The following USP25 variants were observed in gnomAD, a reference collection of about 807,000 sequenced individuals.
The protein encoded by USP25 is ubiquitin carboxyl-terminal hydrolase 25.
USP25 carries 85 observed loss-of-function variants against 158.5 expected under a neutral mutation model. That is an observed-to-expected ratio of 0.54 (90% CI 0.45 to 0.64). The LOEUF (loss-of-function observed/expected upper bound fraction) is 0.64, where lower values mean the gene tolerates loss of function less well. USP25 is among the 30% of genes least tolerant of loss of function. The probability of loss-of-function intolerance (pLI) is 0.00; values close to 1 mark genes in which losing one functional copy is unlikely to be tolerated. For synonymous variants in USP25, 464 were observed against 460.4 expected (o/e 1.01, Z -0.10); for missense variants, 1,242 against 1,327.3 (o/e 0.94, Z 1.00).
At chr21:15,792,469 A>G (rs1273298499) in intron 5 of USP25, among the ~76,000 whole-genome samples, 2 of 151,664 alleles carry the variant, frequency 1.3e-5, no homozygotes, top group African/African-American at 4.8e-5. Flanking sequence ...TTTGTGTGAC[A>G]GTTGAATTAT....
At chr21:15,780,011 T>A (rs73892533) in intron 4 of USP25, among the ~76,000 whole-genome samples, 2,299 of 152,242 alleles carry the variant, frequency 0.015, 46 homozygotes, top group African/African-American at 0.052. Flanking sequence ...GAGATATATT[T>A]GCTCATATGG....
At chr21:15,739,298 T>G (rs2031819830) in intron 1 of USP25, among the ~76,000 whole-genome samples, 1 of 152,228 alleles carries the variant, frequency 6.6e-6, no homozygotes, top group Non-Finnish European at 1.5e-5. Context: ...TTGTACCTCA[T>G]GCATTTCTGA....
intron 3 of USP25, among the ~76,000 whole-genome samples, chr21:15,768,535 G>A (rs929558039): frequency 1.3e-5 from 2 of 151,936 alleles, no homozygotes; most frequent in African/African-American, 2.4e-5. Flanking sequence ...AAATGAAGTC[G>A]TGTATTTTTA....
At chr21:15,865,684 C>T (rs888782991) in intron 21 of USP25, among the ~76,000 whole-genome samples, 2 of 152,136 alleles carry the variant, frequency 1.3e-5, no homozygotes, top group Non-Finnish European at 2.9e-5. Context: ...GGAGTAATCA[C>T]ATTGACTTTT....
chr21:15,763,913 CAG>C (rs1318374177), intron 2 of USP25, among the ~76,000 whole-genome samples: 2 of 152,044 alleles, frequency 1.3e-5, no homozygotes, highest in Admixed American at 1.3e-4. Flanking sequence ...AGATGAGCAA[CAG>C]AGAGGTTAAA....
chr21:15,732,388 AATATTTATATGG>A (rs2123134143), intron 1 of USP25, among the ~76,000 whole-genome samples: 1 of 152,348 alleles, frequency 6.6e-6, no homozygotes, highest in East Asian at 1.9e-4. Context: ...ACTATTTAAA[AATATTTATATGG>A]ATACAAGTAA....
At chr21:15,787,405 CAT>C (rs2123579083) in intron 4 of USP25, among the ~76,000 whole-genome samples, 1 of 152,104 alleles carries the variant, frequency 6.6e-6, no homozygotes, top group Admixed American at 6.6e-5. Context: ...AAAACAGACA[CAT>C]AGACCAGTGG....
chr21:15,819,146 C>T (rs867630795), intron 10 of USP25, among the ~76,000 whole-genome samples: 2 of 152,036 alleles, frequency 1.3e-5, no homozygotes, highest in African/African-American at 4.8e-5. Context: ...GCTAGTTCCT[C>T]GATATAAAGA....
chr21:15,806,039 T>G (rs897027405), intron 7 of USP25, among the ~76,000 whole-genome samples: 1 of 152,148 alleles, frequency 6.6e-6, no homozygotes, highest in African/African-American at 2.4e-5. Context: ...ACATTTACCT[T>G]GTATGGCAAA....
chr21:15,829,782 T>A (rs1226191887), intron 14 of USP25, among the ~76,000 whole-genome samples: 1 of 152,150 alleles, frequency 6.6e-6, no homozygotes, highest in Non-Finnish European at 1.5e-5. Context: ...TTTTATAATG[T>A]AGATTTTTTA....
intron 16 of USP25, among the ~76,000 whole-genome samples, chr21:15,832,021 G>A (rs955573184): frequency 6.6e-6 from 1 of 152,150 alleles, no homozygotes; most frequent in Non-Finnish European, 1.5e-5. Context: ...ACTTCTTGCT[G>A]TATCTGCTCA....
chr21:15,824,596 TTTCTGTCTATCTTTCTGTCTTTCC>T (rs1490694061), intron 11 of USP25, among the ~76,000 whole-genome samples: 1 of 152,146 alleles, frequency 6.6e-6, no homozygotes, highest in East Asian at 1.9e-4. Flanking sequence ...TCTGTCTGTC[TTTCTGTCTATCTTTCTGTCTTTCC>T]TTCTTTTTTG....
intron 1 of USP25, among the ~76,000 whole-genome samples, chr21:15,746,744 G>A (rs1440119747): frequency 6.6e-6 from 1 of 152,182 alleles, no homozygotes; most frequent in African/African-American, 2.4e-5. Context: ...TATATAGAAT[G>A]TGGTTGATTT....
chr21:15,849,590 G>A lies in USP25; in HGVS notation c.2452-187G>A, dbSNP rs149179128. On this transcript the variant is annotated intron_variant, in intron 19 of 25. Transcript: ENST00000400183. ...TTTTTGCAGTTTGCACAAAGGCTCC[G>A]TATGAGCCAGCTGTGCCCTGTATGG... is the stretch of plus-strand genomic sequence containing the variant. Among the ~76,000 whole-genome samples, 17 of 152,272 alleles carry A rather than the reference G, an allele frequency of 1.1e-4. No homozygotes were observed. In the South Asian group the frequency reaches 1.7e-3, roughly 15 times the overall value.
At chr21:15,730,505 G>A in intron 1 of USP25, 67 bp downstream of exon 1, 1 of 1,291,568 alleles carries the variant, frequency 7.7e-7, no homozygotes. Context: ...TCCCGCTGCG[G>A]CCGGGCGCCC....
At chr21:15,836,419 A>G (rs369536081) in intron 17 of USP25, among the ~76,000 whole-genome samples, 3 of 152,250 alleles carry the variant, frequency 2.0e-5, no homozygotes, top group East Asian at 1.9e-4. Context: ...GGTTCATTTC[A>G]TGCTGCTTCC....
At chr21:15,874,296 A>G in intron 23 of USP25, 107 bp from the exon 24 acceptor site, 1 of 1,025,180 alleles carries the variant, frequency 9.8e-7, no homozygotes, top group Non-Finnish European at 1.4e-6. Flanking sequence ...ATTATAATGT[A>G]GATTATCAAA....
chr21:15,838,679 G>T (rs568057550), intron 17 of USP25, among the ~76,000 whole-genome samples: 1 of 152,068 alleles, frequency 6.6e-6, no homozygotes, highest in Non-Finnish European at 1.5e-5. Context: ...CAAGCAGTCC[G>T]CTTTAAATCT....
intron 23 of USP25, 82 bp downstream of exon 23, chr21:15,870,229 A>G: frequency 1.2e-6 from 1 of 860,880 alleles, no homozygotes; most frequent in Non-Finnish European, 1.8e-6. Flanking sequence ...CATGGAAAAG[A>G]TTTTATTCAT....
Sources: allele counts gnomAD v4.1 joint callset (sites outside exome capture counted in the v4.1 genomes callset), GRCh38; gene constraint gnomAD v4.1.1; transcripts MANE v1.5; gene names NCBI Gene and HGNC (gene_info 2026-07-23, HGNC 2026-07-21).